Variants in BICC1 observed in about 807,000 individuals in gnomAD.
BICC1 encodes BicC family RNA binding protein 1, also known as protein bicaudal C homolog 1.
Under a neutral mutation model 111.0 loss-of-function variants are expected in BICC1, and 43 were observed. The observed-to-expected ratio is 0.39, with a 90% confidence interval of 0.30 to 0.50. BICC1 has a LOEUF of 0.50. Among genes scored for constraint, BICC1 ranks in the 20% least tolerant of loss-of-function variants. The pLI is 0.88. For missense variants in BICC1, 1,091 were observed against 1,203.2 expected (o/e 0.91, Z 1.38); for synonymous variants, 467 against 434.4 (o/e 1.07, Z -0.93).
At chr10:58,771,485 C>G (rs752971685) in intron 3 of BICC1, among the ~76,000 whole-genome samples, 1 of 151,942 alleles carries the variant, frequency 6.6e-6, no homozygotes, top group Non-Finnish European at 1.5e-5. Context: ...ATGTAATAGG[C>G]CTTTTAAGGG....
intron 2 of BICC1, among the ~76,000 whole-genome samples, chr10:58,629,088 C>G (rs1271036097): frequency 6.6e-6 from 1 of 152,146 alleles, no homozygotes; most frequent in African/African-American, 2.4e-5. Context: ...TTTCTTCTCT[C>G]TGGACTCCTT....
chr10:58,620,965 AC>A lies in BICC1; in HGVS notation c.237+67del, dbSNP rs1318339894. 6.2e-6 allele frequency: 9 copies of A among 1,448,398 alleles called. No individual in the cohort carries two copies. In the East Asian group the frequency reaches 1.9e-4, roughly 30 times the overall value. 89.7% of individuals were successfully genotyped at this position (1,448,398 alleles called of 1,614,324 possible). On this transcript the variant is annotated intron_variant, in intron 2 of 20. Coordinates refer to ENST00000373886, the MANE Select transcript of BICC1 (RefSeq NM_001080512.3). ...AGGAAATATACTTATCTCAACAGCT[AC>A]CCTAGAAGCCACCGAACGCTCCCCT...
chr10:58,649,952 A>T (rs1196802156), intron 2 of BICC1, among the ~76,000 whole-genome samples: 1 of 152,254 alleles, frequency 6.6e-6, no homozygotes, highest in African/African-American at 2.4e-5. Context: ...ACTTTCAAAT[A>T]TTTTTTTGAA....
At chr10:58,686,109 C>G (rs943835574) in intron 2 of BICC1, among the ~76,000 whole-genome samples, 1 of 152,134 alleles carries the variant, frequency 6.6e-6, no homozygotes, top group African/African-American at 2.4e-5. Context: ...GATTTTATTT[C>G]TCCTTCACTT....
At chr10:58,629,836 C>A (rs996958228) in intron 2 of BICC1, among the ~76,000 whole-genome samples, 87 of 152,088 alleles carry the variant, frequency 5.7e-4, no homozygotes, top group Admixed American at 5.7e-3. Flanking sequence ...AAGTATGTTG[C>A]GTTAAAATTT....
At chr10:58,710,672 A>G (rs1166123450) in intron 3 of BICC1, among the ~76,000 whole-genome samples, 1 of 152,184 alleles carries the variant, frequency 6.6e-6, no homozygotes, top group African/African-American at 2.4e-5. Flanking sequence ...ATGAATTTGG[A>G]AGGAAAATAA....
chr10:58,561,060 C>A (rs1402258563), intron 1 of BICC1, among the ~76,000 whole-genome samples: 1 of 151,920 alleles, frequency 6.6e-6, no homozygotes, highest in Non-Finnish European at 1.5e-5. Context: ...GTCTGTGATG[C>A]AATTTGAGAC....
Position 58,534,694 on chromosome 10 carries a change from AAC to A in BICC1, c.190+21364_190+21365del, listed in dbSNP as rs575440953. Among the ~76,000 whole-genome samples the A allele has an allele frequency of 2.6e-4, 39 of 151,850 alleles. No homozygotes were observed. The East Asian group carries it at 4.7e-3, about 18-fold the overall frequency. ...GCAATATGAAAAAACAGGGTTCTGTAACACCTCCCAAAAAACACACTAACTCT... is the reference window on the plus strand; with the variant it reads ...GCAATATGAAAAAACAGGGTTCTGTAACCTCCCAAAAAACACACTAACTCT... On this transcript the variant is annotated intron_variant, in intron 1 of 20. Coordinates refer to ENST00000373886, the MANE Select transcript of BICC1 (RefSeq NM_001080512.3).
chr10:58,650,358 C>A (rs1301951240), intron 2 of BICC1: 4 of 152,120 alleles, frequency 2.6e-5, no homozygotes, highest in African/African-American at 9.7e-5. Context: ...GTTTCTGATA[C>A]TACAAGTGAC....
Position 58,788,421 on chromosome 10 carries a change from C to G in BICC1, c.598C>G (p.Arg200Gly). 1 of 1,605,986 alleles carries G rather than the reference C, an allele frequency of 6.2e-7. No individual in the cohort carries two copies. Among genetic ancestry groups the G allele is most frequent in the Non-Finnish European group, 8.5e-7 (1 of 1,173,158 alleles). ...AGTAGAATCTGCCCGAGTTAGAATT[C>G]GGGTAACTATTTATTACTTTAACAT... is the stretch of plus-strand genomic sequence containing the variant. ...AGVESARVRI[R>G]ELLPLVLMFE... The change falls in exon 6 of 21, where the codon CGG becomes GGG. Residue 200 changes from arginine to glycine, a missense_variant and splice_region_variant. Coordinates refer to ENST00000373886, the MANE Select transcript of BICC1 (RefSeq NM_001080512.3).
At chr10:58,729,103 C>G (rs935736342) in intron 3 of BICC1, among the ~76,000 whole-genome samples, 5 of 152,196 alleles carry the variant, frequency 3.3e-5, no homozygotes, top group East Asian at 1.9e-4. Flanking sequence ...TATCCCCTGT[C>G]AAGAGCATCA....
chr10:58,669,877 G>A (rs2132318872), intron 2 of BICC1, among the ~76,000 whole-genome samples: 1 of 151,596 alleles, frequency 6.6e-6, no homozygotes, highest in Middle Eastern at 3.4e-3. Context: ...ATTTCAAACG[G>A]CATTAAAATT....
At chr10:58,567,668 TG>T (rs1487815281) in intron 1 of BICC1, among the ~76,000 whole-genome samples, 1 of 152,090 alleles carries the variant, frequency 6.6e-6, no homozygotes, top group Non-Finnish European at 1.5e-5. Flanking sequence ...ATGCTGTGCC[TG>T]TAATTGCATA....
intron 3 of BICC1, among the ~76,000 whole-genome samples, chr10:58,781,452 G>T (rs1179469981): frequency 6.6e-6 from 1 of 152,068 alleles, no homozygotes; most frequent in Non-Finnish European, 1.5e-5. Context: ...CTTGAGGATT[G>T]GTTTTAAAGT....
intron 3 of BICC1, among the ~76,000 whole-genome samples, chr10:58,744,383 G>T (rs1841765002): frequency 6.6e-6 from 1 of 151,698 alleles, no homozygotes; most frequent in African/African-American, 2.4e-5. Context: ...AAATTTTATT[G>T]TTAAGCTAAT....
chr10:58,598,193 T>C (rs1011619077), intron 1 of BICC1, among the ~76,000 whole-genome samples: 1 of 152,122 alleles, frequency 6.6e-6, no homozygotes, highest in African/African-American at 2.4e-5. Context: ...AGAGCCTGCA[T>C]AGCCAAGACA....
chr10:58,688,087 T>C (rs1200254870), intron 2 of BICC1, among the ~76,000 whole-genome samples: 1 of 152,112 alleles, frequency 6.6e-6, no homozygotes, highest in Non-Finnish European at 1.5e-5. Flanking sequence ...GCTGCAGACC[T>C]TTACAATGAG....
intron 3 of BICC1, among the ~76,000 whole-genome samples, chr10:58,740,238 C>A (rs756805101): frequency 6.6e-6 from 1 of 152,064 alleles, no homozygotes; most frequent in Non-Finnish European, 1.5e-5. Context: ...TTTTATTTCC[C>A]AAATTCAAAG....
chr10:58,793,119 C>T (rs1240792876), intron 8 of BICC1, among the ~76,000 whole-genome samples: 1 of 152,122 alleles, frequency 6.6e-6, no homozygotes, highest in Non-Finnish European at 1.5e-5. Context: ...CACTGGAAGT[C>T]ATTGAGCAAA....
Sources: allele counts gnomAD v4.1 joint callset (sites outside exome capture counted in the v4.1 genomes callset), GRCh38; gene constraint gnomAD v4.1.1; transcripts MANE v1.5; gene names NCBI Gene and HGNC (gene_info 2026-07-23, HGNC 2026-07-21).